Variants in EYS observed in about 807,000 individuals in gnomAD.
EYS encodes the protein EGF-like photoreceptor maintenance factor.
EYS carries 250 observed loss-of-function variants against 282.1 expected under a neutral mutation model. That is an observed-to-expected ratio of 0.89 (90% CI 0.80 to 0.98). The LOEUF is 0.98. Among genes scored for constraint, EYS ranks in the 50% least tolerant of loss-of-function variants. The pLI is 0.00. For synonymous variants in EYS, 1,355 were observed against 1,282.9 expected (o/e 1.06, Z -1.20); for missense variants, 4,016 against 3,709.0 (o/e 1.08, Z -2.15).
intron 12 of EYS, among the ~76,000 whole-genome samples, chr6:65,214,477 A>T (rs1766262110): frequency 6.6e-6 from 1 of 152,204 alleles, no homozygotes; most frequent in South Asian, 2.1e-4. Context: ...GCTACAGAAG[A>T]AAAGTTCGAA....
At chr6:63,876,254 T>C (rs191539609) in intron 35 of EYS, among the ~76,000 whole-genome samples, 143 of 152,360 alleles carry the variant, frequency 9.4e-4, no homozygotes, top group Admixed American at 8.4e-3. Flanking sequence ...AGGAGCAGGT[T>C]GTTCAGTTTC....
chr6:63,818,529 C>G lies in EYS; in HGVS notation c.7229-12157G>C, dbSNP rs1291426247. ...TTTCAATTCCACCCTTCTCCTTCTC[C>G]CTGAGGCCTATCTTGTCCTATCCTG... On this transcript the variant is annotated intron_variant, in intron 36 of 42. Transcript: ENST00000503581. 3.3e-5 allele frequency among the ~76,000 whole-genome samples: 5 copies of G among 152,284 alleles called. No individual in the cohort carries two copies. In the East Asian group the frequency reaches 7.7e-4, roughly 23 times the overall value.
chr6:64,719,939 G>A (rs773607811), intron 22 of EYS, among the ~76,000 whole-genome samples: 12 of 152,238 alleles, frequency 7.9e-5, no homozygotes, highest in African/African-American at 1.7e-4. Flanking sequence ...AAGTCTTGCC[G>A]TTAGAAAGAC....
At chr6:64,532,455 A>C (rs1764378151) in intron 26 of EYS, among the ~76,000 whole-genome samples, 1 of 152,260 alleles carries the variant, frequency 6.6e-6, no homozygotes, top group East Asian at 1.9e-4. Flanking sequence ...CACGCCTGTA[A>C]TCCCAGCACT....
intron 31 of EYS, among the ~76,000 whole-genome samples, chr6:64,119,422 C>T (rs1424654924): frequency 1.3e-5 from 2 of 151,998 alleles, no homozygotes; most frequent in Non-Finnish European, 2.9e-5. Flanking sequence ...CTAAAAGTTA[C>T]CTACAAAAAT....
chr6:65,419,671 T>A (rs1286611442), intron 5 of EYS, among the ~76,000 whole-genome samples: 2 of 151,948 alleles, frequency 1.3e-5, no homozygotes, highest in African/African-American at 2.4e-5. Flanking sequence ...CCTCAATATA[T>A]CCAAAATAAA....
Position 64,813,393 on chromosome 6 carries a change from T to C in EYS, c.3428A>G (p.His1143Arg). 1.3e-6 allele frequency: 2 copies of C among 1,542,386 alleles called. No homozygotes were observed. Among genetic ancestry groups the C allele is most frequent in the African/African-American group, 1.4e-5 (1 of 72,598 alleles). The change falls in exon 22 of 43, where the codon CAT becomes CGT. Residue 1143 changes from histidine to arginine, a missense_variant. Coordinates refer to ENST00000503581, the MANE Select transcript of EYS (RefSeq NM_001142800.2). ...NGGICVDGPG[H>R]TFDCRCLPGF... ...AAATACTGACCTGCAGTCAAAAGTA[T>C]GTCCAGGCCCATCAACACAGATCCC... is the stretch of plus-strand genomic sequence containing the variant.
chr6:64,569,403 G>A (rs1434009783), intron 26 of EYS, among the ~76,000 whole-genome samples: 1 of 151,868 alleles, frequency 6.6e-6, no homozygotes, highest in African/African-American at 2.4e-5. Flanking sequence ...ACAGATTGAA[G>A]AACAACTTAA....
At chr6:65,215,672 C>A (rs1362914412) in intron 12 of EYS, among the ~76,000 whole-genome samples, 1 of 152,126 alleles carries the variant, frequency 6.6e-6, no homozygotes, top group Non-Finnish European at 1.5e-5. Context: ...CAACACATGC[C>A]ACAGAGAAAT....
intron 36 of EYS, among the ~76,000 whole-genome samples, chr6:63,841,644 T>A (rs1186354716): frequency 6.6e-6 from 1 of 152,198 alleles, no homozygotes; most frequent in Non-Finnish European, 1.5e-5. Flanking sequence ...AGTTCTGGGA[T>A]ACATGTGCAG....
intron 2 of EYS, among the ~76,000 whole-genome samples, chr6:65,582,882 A>T: frequency 6.6e-6 from 1 of 152,102 alleles, no homozygotes. Flanking sequence ...AGATGTAACC[A>T]CATTAAAATG....
At position 65,051,955 on chromosome 6, in the gene EYS, A is replaced by G. The variant is rs1314630557; in HGVS notation, c.2137+5659T>C. The stretch of plus-strand genomic sequence containing the variant: ...GAAAGCAGCCCTATTCCTGAAATGC[A>G]CTTTGCTTCTTTAAATACTTCATTG... On this transcript the variant is annotated intron_variant, in intron 13 of 42. Coordinates refer to ENST00000503581, the MANE Select transcript of EYS (RefSeq NM_001142800.2). Among the ~76,000 whole-genome samples the G allele has an allele frequency of 1.1e-4, 16 of 151,498 alleles. No individual in the cohort carries two copies. In the Admixed American group the frequency reaches 1.1e-3, roughly 10 times the overall value.
chr6:64,541,754 C>T (rs1211915042), intron 26 of EYS, among the ~76,000 whole-genome samples: 5 of 152,170 alleles, frequency 3.3e-5, no homozygotes, highest in East Asian at 1.9e-4. Flanking sequence ...ATCATTTCTA[C>T]ATTTGTAAAT....
At chr6:64,374,719 G>T (rs774934570) in intron 29 of EYS, among the ~76,000 whole-genome samples, 2 of 152,132 alleles carry the variant, frequency 1.3e-5, no homozygotes, top group African/African-American at 4.8e-5. Flanking sequence ...GCTGCTGCTC[G>T]TCTCCCATCT....
chr6:64,297,710 G>A (rs6454776), intron 30 of EYS, among the ~76,000 whole-genome samples: 104,359 of 152,028 alleles, frequency 0.69, 35,854 homozygotes, highest in South Asian at 0.71. Context: ...GGGTGTGATG[G>A]CTCACACCTG....
chr6:64,469,208 A>G (rs1165007786), intron 26 of EYS, among the ~76,000 whole-genome samples: 1 of 152,140 alleles, frequency 6.6e-6, no homozygotes, highest in African/African-American at 2.4e-5. Context: ...GTGAGACGGT[A>G]TCTTATTGTG....
chr6:64,527,008 T>C (rs957698559), intron 26 of EYS, among the ~76,000 whole-genome samples: 2 of 151,824 alleles, frequency 1.3e-5, no homozygotes, highest in Admixed American at 6.6e-5. Flanking sequence ...CTGTGGATCA[T>C]AGTTTTAGAA....
intron 12 of EYS, among the ~76,000 whole-genome samples, chr6:65,087,243 A>G (rs989934937): frequency 1.3e-5 from 2 of 151,928 alleles, no homozygotes; most frequent in Non-Finnish European, 2.9e-5. Flanking sequence ...AACAGGTATC[A>G]TATTTCTCCC....
chr6:65,212,417 A>C (rs190673324), intron 12 of EYS, among the ~76,000 whole-genome samples: 1 of 152,288 alleles, frequency 6.6e-6, no homozygotes, highest in East Asian at 1.9e-4. Flanking sequence ...CTAATATTTT[A>C]ATTACAGCTA....
Sources: allele counts gnomAD v4.1 joint callset (sites outside exome capture counted in the v4.1 genomes callset), GRCh38; gene constraint gnomAD v4.1.1; transcripts MANE v1.5; gene names NCBI Gene and HGNC (gene_info 2026-07-23, HGNC 2026-07-21).